The following TXNDC16 variants were observed in gnomAD, a reference collection of about 807,000 sequenced individuals.
TXNDC16 encodes thioredoxin domain-containing protein 16.
Under a neutral mutation model 85.6 loss-of-function variants are expected in TXNDC16, and 74 were observed. The observed-to-expected ratio is 0.86, with a 90% CI of 0.72 to 1.05. The LOEUF (loss-of-function observed/expected upper bound fraction) is 1.05, where lower values mean the gene tolerates loss of function less well. TXNDC16 is among the 50% of genes least tolerant of loss of function. The probability of loss-of-function intolerance (pLI) is 0.00; values close to 1 mark genes in which losing one functional copy is unlikely to be tolerated. For synonymous variants in TXNDC16, 335 were observed against 326.5 expected, an observed-to-expected ratio of 1.03 and a Z score of -0.28; for missense variants, 959 against 947.0, an observed-to-expected ratio of 1.01 and a Z score of -0.17.
At position 52,450,115 on chromosome 14, in the gene TXNDC16, G is replaced by A. The variant is rs181411759; in HGVS notation, c.1842+5209C>T. ...GGGCAGAAATAAATGAAATTGAAAT[G>A]AAGAGAACAATACAAAACATCCAGG... is the stretch of plus-strand genomic sequence containing the variant. On this transcript the variant is annotated intron_variant, in intron 18 of 20. Transcript: ENST00000281741. 2.6e-3 allele frequency among the ~76,000 whole-genome samples: 391 copies of A among 151,928 alleles called. 1 individual carries two copies. Among genetic ancestry groups the A allele is most frequent in the African/African-American group, 9.0e-3 (372 of 41,518 alleles).
intron 9 of TXNDC16, among the ~76,000 whole-genome samples, chr14:52,495,598 G>C (rs1405028639): frequency 4.6e-5 from 7 of 152,172 alleles, no homozygotes; most frequent in Non-Finnish European, 1.5e-5. Flanking sequence ...GTTGGACTTT[G>C]TGAGTCTTGG....
At chr14:52,517,971 T>G (rs747671026) in intron 7 of TXNDC16, among the ~76,000 whole-genome samples, 2 of 152,168 alleles carry the variant, frequency 1.3e-5, no homozygotes, top group Non-Finnish European at 2.9e-5. Context: ...AGGTCACCAG[T>G]AACTTCTATA....
In TXNDC16 at chr14:52,529,006, TTTATCTATATAATACCTATTATATA is replaced by T. The variant is rs1383862803; in HGVS notation, c.392+7688_392+7712del. Among the ~76,000 whole-genome samples, 4 of 147,916 alleles carry T rather than the reference TTTATCTATATAATACCTATTATATA, an allele frequency of 2.7e-5. No homozygotes were observed. The East Asian group carries it at 5.8e-4, about 22-fold the overall frequency. ...AATCTATATAAAACCTATTATATAT[TTTATCTATATAATACCTATTATATA>T]TTATCTATATAATACCTATTATATA... On this transcript the variant is annotated intron_variant, in intron 6 of 20. Transcript: ENST00000281741.
chr14:52,523,575 C>A (rs1330192424), intron 6 of TXNDC16, among the ~76,000 whole-genome samples: 2 of 152,122 alleles, frequency 1.3e-5, no homozygotes. Context: ...TATGACTGGG[C>A]AGATTCACAT....
At chr14:52,527,772 A>G (rs1335487900) in intron 6 of TXNDC16, among the ~76,000 whole-genome samples, 1 of 152,112 alleles carries the variant, frequency 6.6e-6, no homozygotes, top group African/African-American at 2.4e-5. Flanking sequence ...TGTGTATAAC[A>G]TATATATATT....
At chr14:52,514,791 G>T in intron 8 of TXNDC16, 89 bp downstream of exon 8, 3 of 902,428 alleles carry the variant, frequency 3.3e-6, no homozygotes, top group South Asian at 1.7e-5. Context: ...CCATGCTGTG[G>T]GAGCATAATG....
chr14:52,529,825 G>A (rs1481101488), intron 6 of TXNDC16, among the ~76,000 whole-genome samples: 3 of 103,136 alleles, frequency 2.9e-5, no homozygotes, highest in Middle Eastern at 0.013. Flanking sequence ...TATATATTAT[G>A]TATTATTACT....
intron 14 of TXNDC16, among the ~76,000 whole-genome samples, chr14:52,481,830 C>G (rs956638052): frequency 1.3e-5 from 2 of 152,100 alleles, no homozygotes; most frequent in Non-Finnish European, 2.9e-5. Context: ...GTTTCAAGGA[C>G]ACGGGGATTT....
At chr14:52,546,599 C>A (rs1274820943) in intron 1 of TXNDC16, among the ~76,000 whole-genome samples, 3 of 152,160 alleles carry the variant, frequency 2.0e-5, no homozygotes, top group Non-Finnish European at 4.4e-5. Context: ...CTGCTGCAGT[C>A]AAGAGAAATG....
intron 10 of TXNDC16, 27 bp from the exon 11 acceptor site, chr14:52,490,478 T>C (rs200465081): frequency 1.9e-6 from 3 of 1,551,334 alleles, no homozygotes; most frequent in Admixed American, 3.7e-5. Context: ...ATAAATGTTT[T>C]ATGTTGCTAA....
intron 11 of TXNDC16, among the ~76,000 whole-genome samples, chr14:52,489,795 C>G (rs2036358210): frequency 6.6e-6 from 1 of 152,114 alleles, no homozygotes; most frequent in Non-Finnish European, 1.5e-5. Context: ...AAAGTAATCA[C>G]TATTCTGTCT....
At chr14:52,494,494 C>G (rs1594727201) in intron 9 of TXNDC16, among the ~76,000 whole-genome samples, 2 of 152,106 alleles carry the variant, frequency 1.3e-5, no homozygotes, top group African/African-American at 4.8e-5. Context: ...GAATTTCTGC[C>G]AAAAACCTAG....
At chr14:52,460,660 G>A (rs553016828) in intron 16 of TXNDC16, among the ~76,000 whole-genome samples, 6 of 152,168 alleles carry the variant, frequency 3.9e-5, no homozygotes, top group African/African-American at 9.6e-5. Flanking sequence ...TAGATCACAG[G>A]TCACTGTAAA....
In TXNDC16 at chr14:52,439,330, G is replaced by C; in HGVS notation, c.2068C>G (p.Leu690Val). Residue 690 changes from leucine to valine, a missense_variant, in exon 20 of 21, where the codon CTT (leucine) becomes GTT (valine). Coordinates refer to ENST00000281741, the MANE Select transcript of TXNDC16 (RefSeq NM_020784.3). Reference protein sequence around the residue: ...AYFDPLPPLPLLVLVNLHSGG... With the variant: ...AYFDPLPPLPVLVLVNLHSGG... Reference sequence around the variant, plus strand: ...GAATGCAGATTCACCAAAACAAGAAGAGGAAGGGGAGGCAGAGGATCAAAA... The same window carrying C: ...GAATGCAGATTCACCAAAACAAGAACAGGAAGGGGAGGCAGAGGATCAAAA... 1 of 1,614,070 alleles carries C rather than the reference G, an allele frequency of 6.2e-7. No homozygotes were observed. Among genetic ancestry groups the C allele is most frequent in the Non-Finnish European group, 8.5e-7 (1 of 1,180,002 alleles).
chr14:52,546,202 G>A (rs1469391698), intron 1 of TXNDC16, among the ~76,000 whole-genome samples: 7 of 152,114 alleles, frequency 4.6e-5, no homozygotes, highest in Admixed American at 3.3e-4. Context: ...CGGGAGGATC[G>A]TGATTGAGGC....
intron 4 of TXNDC16, among the ~76,000 whole-genome samples, chr14:52,541,711 T>C (rs1433133918): frequency 6.6e-6 from 1 of 152,174 alleles, no homozygotes; most frequent in Non-Finnish European, 1.5e-5. Flanking sequence ...CCAGAAAGAA[T>C]TTAGTATCAC....
chr14:52,450,870 T>C (rs145857621), intron 18 of TXNDC16, among the ~76,000 whole-genome samples: 29 of 96,798 alleles, frequency 3.0e-4, no homozygotes, highest in African/African-American at 1.2e-3. Flanking sequence ...TATATATATA[T>C]ATATATATAT....
At position 52,440,681 on chromosome 14, in the gene TXNDC16, T is replaced by G; in HGVS notation, c.1886A>C (p.Gln629Pro). Residue 629 changes from glutamine (Q) to proline (P), a missense_variant, in exon 19 of 21, where the codon CAG becomes CCG. Transcript: ENST00000281741. ...VENLPSYFRLQKPLLILFSDG... is the reference protein window; with the variant it reads ...VENLPSYFRLPKPLLILFSDG... ...ACTGAACAAAATCAATAATGGTTTC[T>G]GAAGTCTGAAATAACTGGGAAGATT... is the stretch of plus-strand genomic sequence containing the variant. The G allele has an allele frequency of 6.2e-7, 1 of 1,608,798 alleles. No individual in the cohort carries two copies. Among genetic ancestry groups the G allele is most frequent in the Non-Finnish European group, 8.5e-7 (1 of 1,178,702 alleles).
chr14:52,464,294 T>C (rs1281422673), intron 16 of TXNDC16, among the ~76,000 whole-genome samples: 1 of 152,246 alleles, frequency 6.6e-6, no homozygotes, highest in African/African-American at 2.4e-5. Flanking sequence ...TTTTTGTTTC[T>C]AGTTGCTACC....
Sources: gnomAD v4.1 joint callset for allele counts (sites outside exome capture counted in the v4.1 genomes callset) on GRCh38, gnomAD v4.1.1 for gene constraint, MANE v1.5 for transcripts, NCBI Gene and HGNC (gene_info 2026-07-23, HGNC 2026-07-21) for gene names.